FAM219A: variants seen among roughly 807,000 people sequenced by gnomAD.
The protein encoded by FAM219A is family with sequence similarity 219 member A, also known as protein FAM219A.
FAM219A carries 7 observed loss-of-function variants against 23.4 expected under a neutral mutation model. That is an observed-to-expected ratio of 0.30 (90% CI 0.17 to 0.56). FAM219A has a LOEUF of 0.56. Among genes scored for constraint, FAM219A ranks in the 20% least tolerant of loss-of-function variants. The pLI is 0.92. For missense variants in FAM219A, 166 were observed against 246.9 expected (o/e 0.67, Z 2.20); for synonymous variants, 93 against 99.0 (o/e 0.94, Z 0.36).
At position 34,398,563 on chromosome 9, in the gene FAM219A, C is replaced by A. The variant is rs1225354389; in HGVS notation, c.*2401G>T. 1.8e-5 allele frequency: 11 copies of A among 612,918 alleles called. No individual in the cohort carries two copies. Among genetic ancestry groups the A allele is most frequent in the Non-Finnish European group, 1.1e-5 (4 of 349,014 alleles). The allele number at this position is 612,918 out of a possible 1,614,324, so 38.0% of individuals were successfully genotyped here. A position where few individuals can be genotyped will look rare whatever the true frequency, so the allele number is the denominator to read the frequency against. Reference sequence around the variant, plus strand: ...TGCCTCAGTTGGAAGCCCTTGCCTGCCAGGGAACTAGTATGTCCTGTGGGG... The same window carrying A: ...TGCCTCAGTTGGAAGCCCTTGCCTGACAGGGAACTAGTATGTCCTGTGGGG... On this transcript the variant is annotated 3_prime_UTR_variant, in exon 6 of 6. Coordinates refer to ENST00000651358, the MANE Select transcript of FAM219A (RefSeq NM_001184940.2).
chr9:34,446,564 C>T (rs1341240116), intron 1 of FAM219A, among the ~76,000 whole-genome samples: 1 of 152,206 alleles, frequency 6.6e-6, no homozygotes, highest in Admixed American at 6.5e-5. Flanking sequence ...GCCTCTGGCC[C>T]AGTTTAAGAA....
At chr9:34,435,313 T>C (rs1822861283) in intron 1 of FAM219A, among the ~76,000 whole-genome samples, 2 of 152,188 alleles carry the variant, frequency 1.3e-5, no homozygotes, top group African/African-American at 2.4e-5. Context: ...TCAATTCATC[T>C]TACCCCCTTT....
At chr9:34,401,639 C>A in intron 5 of FAM219A, 27 bp downstream of exon 5, 1 of 1,601,104 alleles carries the variant, frequency 6.2e-7, no homozygotes, top group South Asian at 1.1e-5. Flanking sequence ...CCGGTGGTGT[C>A]TAGGGTGAGA....
At chr9:34,405,740 A>C (rs1401042281) in intron 2 of FAM219A, 125 bp downstream of exon 2, 6 of 918,338 alleles carry the variant, frequency 6.5e-6, no homozygotes, top group Non-Finnish European at 1.0e-5. Flanking sequence ...AGTGCCAATG[A>C]CTTGAAGGCT....
chr9:34,415,121 A>ATT (rs5897570), intron 1 of FAM219A, among the ~76,000 whole-genome samples: 3 of 148,748 alleles, frequency 2.0e-5, no homozygotes, highest in Non-Finnish European at 3.0e-5. Context: ...GCCTGGCTAA[A>ATT]TTTTTTTTTT....
At chr9:34,443,264 C>G (rs1334779038) in intron 1 of FAM219A, among the ~76,000 whole-genome samples, 1 of 152,186 alleles carries the variant, frequency 6.6e-6, no homozygotes, top group African/African-American at 2.4e-5. Context: ...AGGACACCCT[C>G]CACTATCACC....
intron 1 of FAM219A, among the ~76,000 whole-genome samples, chr9:34,455,296 T>G (rs935636900): frequency 6.6e-6 from 1 of 152,004 alleles, no homozygotes; most frequent in Non-Finnish European, 1.5e-5. Context: ...GGAAAAACAA[T>G]CGAGGAAGGA....
chr9:34,431,616 T>A (rs1001194556), intron 1 of FAM219A, among the ~76,000 whole-genome samples: 1 of 152,186 alleles, frequency 6.6e-6, no homozygotes, highest in Non-Finnish European at 1.5e-5. Context: ...GGTATATGCC[T>A]GTAGTCCCTG....
intron 1 of FAM219A, among the ~76,000 whole-genome samples, chr9:34,425,474 CTG>C (rs1822426430): frequency 6.6e-6 from 1 of 152,148 alleles, no homozygotes; most frequent in Non-Finnish European, 1.5e-5. Flanking sequence ...GAACAAAACT[CTG>C]TCTTAAATAA....
intron 1 of FAM219A, among the ~76,000 whole-genome samples, chr9:34,449,009 C>T (rs56113602): frequency 3.4e-5 from 5 of 147,986 alleles, no homozygotes; most frequent in African/African-American, 5.0e-5. Flanking sequence ...AAAAAAAAAA[C>T]CTCAGCCATG....
intron 1 of FAM219A, among the ~76,000 whole-genome samples, chr9:34,456,793 T>C (rs1823746715): frequency 6.6e-6 from 1 of 152,182 alleles, no homozygotes; most frequent in South Asian, 2.1e-4. Context: ...CTGTAAAACT[T>C]CTTTGTTTTG....
chr9:34,419,442 C>T (rs544238336), intron 1 of FAM219A, among the ~76,000 whole-genome samples: 2 of 152,172 alleles, frequency 1.3e-5, no homozygotes, highest in South Asian at 2.1e-4. Context: ...AGGTTAACAG[C>T]GCTTTAGGGA....
At chr9:34,420,563 T>A (rs1822229046) in intron 1 of FAM219A, among the ~76,000 whole-genome samples, 1 of 152,194 alleles carries the variant, frequency 6.6e-6, no homozygotes, top group Admixed American at 6.5e-5. Context: ...CCTTTTCCTT[T>A]ACCATTGAGA....
At chr9:34,454,398 C>T (rs1228233803) in intron 1 of FAM219A, among the ~76,000 whole-genome samples, 3 of 152,122 alleles carry the variant, frequency 2.0e-5, no homozygotes, top group Non-Finnish European at 2.9e-5. Flanking sequence ...ATCACACCAC[C>T]GCACTCCAGC....
At position 34,458,377 on chromosome 9, in the gene FAM219A, C is replaced by A. The variant is rs906891916; in HGVS notation, c.-114G>T. ...GTGGTGCAGACTAGGCCTCCCCGGA[C>A]CACTCGGGCGGGCAGGGGCCGGGCG... On this transcript the variant is annotated 5_prime_UTR_variant, in exon 1 of 6. Transcript: ENST00000651358. This position sits in a 1 kb window ranked among gnomAD's most constrained non-coding sequence, Gnocchi z 6.6. The A allele has an allele frequency of 1.6e-4, 111 of 711,872 alleles. No homozygotes were observed. The African/African-American group carries it at 2.0e-3, about 13-fold the overall frequency. 44.1% of individuals were successfully genotyped at this position (711,872 alleles called of 1,614,324 possible).
At chr9:34,408,129 A>G (rs913312764) in intron 1 of FAM219A, among the ~76,000 whole-genome samples, 7 of 152,172 alleles carry the variant, frequency 4.6e-5, no homozygotes, top group Non-Finnish European at 8.8e-5. Context: ...GCCTTGACTG[A>G]GTAGAAGAAG....
intron 1 of FAM219A, among the ~76,000 whole-genome samples, chr9:34,422,791 GC>G (rs1473469113): frequency 1.3e-5 from 2 of 152,168 alleles, no homozygotes. Context: ...GATGAAAGGG[GC>G]CTTAGCCACC....
chr9:34,428,921 T>G (rs1176821898), intron 1 of FAM219A, among the ~76,000 whole-genome samples: 2 of 152,242 alleles, frequency 1.3e-5, no homozygotes, highest in African/African-American at 4.8e-5. Flanking sequence ...GAGGCCAAGC[T>G]GAGGGACAGC....
chr9:34,439,325 G>T (rs1823070737), intron 1 of FAM219A, among the ~76,000 whole-genome samples: 1 of 152,188 alleles, frequency 6.6e-6, no homozygotes, highest in South Asian at 2.1e-4. Flanking sequence ...ACGACATGGG[G>T]TTACCAAGTA....
Sources: gnomAD v4.1 joint callset for allele counts (sites outside exome capture counted in the v4.1 genomes callset) on GRCh38, gnomAD v4.1.1 for gene constraint, Gnocchi (gnomAD v3.1) non-coding constraint, MANE v1.5 for transcripts, NCBI Gene and HGNC (gene_info 2026-07-23, HGNC 2026-07-21) for gene names.